DNAAF2: variants seen among roughly 807,000 people sequenced by gnomAD.
DNAAF2 encodes dynein axonemal assembly factor 2.
A neutral mutation model predicts 48.8 loss-of-function variants in DNAAF2; 58 were observed. The observed-to-expected ratio is 1.19, with a 90% CI of 0.96 to 1.48. DNAAF2 has a LOEUF of 1.48. DNAAF2 is among the 40% of genes most tolerant of loss of function. The pLI, the probability that DNAAF2 is intolerant of heterozygous loss-of-function variation, is 0.00. For synonymous variants in DNAAF2, 567 were observed against 481.2 expected, an observed-to-expected ratio of 1.18 and a Z score of -2.33; for missense variants, 1,241 against 1,116.1, an observed-to-expected ratio of 1.11 and a Z score of -1.59.
chr14:49,628,511 G>T (rs55743897), intron 1 of DNAAF2, among the ~76,000 whole-genome samples: 3,288 of 152,240 alleles, frequency 0.022, 48 homozygotes, highest in Non-Finnish European at 0.031. Flanking sequence ...CTGGAGTGCA[G>T]TGGTGCAATC....
Position 49,625,799 on chromosome 14 carries a change from C to T in DNAAF2, c.2257G>A (p.Glu753Lys), listed in dbSNP as rs867540290. 6.2e-7 allele frequency: 1 copy of T among 1,607,768 alleles called. No homozygotes were observed. The highest frequency in any genetic ancestry group is 1.1e-5 in the South Asian group (1 of 89,250). The change falls in exon 3 of 3, where the codon GAA becomes AAA. Residue 753 changes from glutamate (E) to lysine (K), a missense_variant. Transcript: ENST00000298292. ...SQQPESKMQS[E>K]FIKEKSATCS... ...GTAGCACTTTTTTCTTTTATAAATT[C>T]AGATTGCATTTTTGACTCAGGTTGC... is the stretch of plus-strand genomic sequence containing the variant.
rs755398756 is a variant in DNAAF2, at chr14:49,628,058, A to G, written c.1961T>C (p.Ile654Thr). ...ATTATCAGTAACTTGAAGAACTTCA[A>G]TTAATGGTGGGGTCAAGGACATAGA... ...KQSMSLTPPL[I>T]EVLQVTDNKI... The change falls in exon 2 of 3, where the codon ATT becomes ACT. Residue 654 changes from isoleucine to threonine, a missense_variant. By Grantham distance (89) the Ile-to-Thr change is moderately conservative. Transcript: ENST00000298292. The G allele has an allele frequency of 1.8e-5, 29 of 1,576,520 alleles. No homozygotes were observed. In the East Asian group the frequency reaches 6.6e-4, roughly 36 times the overall value.
chr14:49,627,258 A>G (rs910329168), intron 2 of DNAAF2, among the ~76,000 whole-genome samples: 1 of 152,124 alleles, frequency 6.6e-6, no homozygotes, highest in Non-Finnish European at 1.5e-5. Context: ...GAATTCCTCT[A>G]ATTTTTCAGA....
Position 49,633,923 on chromosome 14 carries a change from G to A in DNAAF2, c.1227C>T (p.Gly409=), listed in dbSNP as rs1045466672. The change falls in exon 1 of 3, where the codon GGC becomes GGT. Residue 409 remains glycine, a synonymous_variant. Coordinates refer to ENST00000298292, the MANE Select transcript of DNAAF2 (RefSeq NM_018139.3). ...GGTCGCCCAGGGTGGTGACCCCGGA[G>A]CCCGCAGCCCCAGCCACGCAGGTAT... ...GHDTCVAGAA[G]SGVTTLGDPE... 1.3e-6 allele frequency: 2 copies of A among 1,531,924 alleles called. No homozygotes were observed. The highest frequency in any genetic ancestry group is 1.7e-6 in the Non-Finnish European group (2 of 1,145,200). The allele number at this position is 1,531,924 out of a possible 1,614,324, so 94.9% of individuals were successfully genotyped here. A position where few individuals can be genotyped will look rare whatever the true frequency, so the allele number is the denominator to read the frequency against.
In DNAAF2 at chr14:49,633,268, C is replaced by T. The variant is rs760484010; in HGVS notation, c.1863+19G>A. 19 of 1,608,976 alleles carry T rather than the reference C, an allele frequency of 1.2e-5. No individual in the cohort carries two copies. In the South Asian group the frequency reaches 1.8e-4, roughly 15 times the overall value. On this transcript the variant is annotated intron_variant, in intron 1 of 2. Coordinates refer to ENST00000298292, the MANE Select transcript of DNAAF2 (RefSeq NM_018139.3). ...AGATGGGATATTTCAAATATGAGGA[C>T]TCTGGAAAGAACTGTTACCTCCAAA...
At chr14:49,630,182 G>A (rs2209416) in intron 1 of DNAAF2, among the ~76,000 whole-genome samples, 62,076 of 151,494 alleles carry the variant, frequency 0.41, 14,887 homozygotes, top group Non-Finnish European at 0.54. Context: ...AGTGAGCCAT[G>A]ATCGCACCAC....
chr14:49,627,662 TG>T (rs1474071695), intron 2 of DNAAF2, among the ~76,000 whole-genome samples: 3 of 152,060 alleles, frequency 2.0e-5, no homozygotes, highest in Non-Finnish European at 4.4e-5. Context: ...GAGACCATCC[TG>T]GCTAACACGG....
rs1321309211 is a variant in DNAAF2 at position 49,635,071 on chromosome 14, A to G, written c.79T>C (p.Phe27Leu). 1.9e-6 allele frequency: 3 copies of G among 1,586,024 alleles called. No homozygotes were observed. The South Asian group carries it at 3.4e-5, about 18-fold the overall frequency. The change falls in exon 1 of 3, where the codon TTC becomes CTC. Residue 27 changes from phenylalanine (F) to leucine (L), a missense_variant. By Grantham distance (22) the Phe-to-Leu change is conservative. Transcript: ENST00000298292. ...ATTCGCCGGAACTCCGGGTCCTGGA[A>G]GGCGGAGGTGAGCCGCTGGACCTCC... is the stretch of plus-strand genomic sequence containing the variant. The part of the protein sequence containing the change: ...GEEVQRLTSA[F>L]QDPEFRRMFS...
Position 49,627,939 on chromosome 14 carries a change from A to T in DNAAF2, c.2007+73T>A, listed in dbSNP as rs572554372. 15 of 1,387,094 alleles carry T rather than the reference A, an allele frequency of 1.1e-5. No individual in the cohort carries two copies. In the Admixed American group the frequency reaches 1.5e-4, roughly 14 times the overall value. 85.9% of individuals were successfully genotyped at this position (1,387,094 alleles called of 1,614,324 possible). A position where few individuals can be genotyped will look rare whatever the true frequency, so the allele number is the denominator to read the frequency against. ...AAATTTTGTTTAAAGTTATGATATT[A>T]AGAAATCAATAATTTGTTAGGTTTT... On this transcript the variant is annotated intron_variant, in intron 2 of 2. Coordinates refer to ENST00000298292, the MANE Select transcript of DNAAF2 (RefSeq NM_018139.3).
Position 49,625,936 on chromosome 14 carries a change from T to A in DNAAF2, c.2120A>T (p.Asp707Val). 6.2e-7 allele frequency: 1 copy of A among 1,613,498 alleles called. No homozygotes were observed. Among genetic ancestry groups the A allele is most frequent in the South Asian group, 1.1e-5 (1 of 91,000 alleles). ...YIEHCNTPTT[D>V]SDSSIAVKAL... ...TTTAACTGCTATAGATGAATCAGAATCAGTTGTAGGGGTGTTACAATGTTC... is the reference window on the plus strand; with the variant it reads ...TTTAACTGCTATAGATGAATCAGAAACAGTTGTAGGGGTGTTACAATGTTC... The change falls in exon 3 of 3, where the codon GAT (aspartate) becomes GTT (valine). Residue 707 changes from aspartate (D) to valine (V), a missense_variant. Asp to Val is a radical substitution (Grantham distance 152). Coordinates refer to ENST00000298292, the MANE Select transcript of DNAAF2 (RefSeq NM_018139.3).
In DNAAF2 at chr14:49,635,023, GCTC is replaced by G; in HGVS notation, c.124_126del (p.Glu42del). 3 of 1,573,392 alleles carry G rather than the reference GCTC, an allele frequency of 1.9e-6. No homozygotes were observed. The highest frequency in any genetic ancestry group is 2.6e-6 in the Non-Finnish European group (3 of 1,160,018). ...CGCCGCCGGTTCTCCGGGTCGGTGA[GCTC>G]CTCGGCGTACTGGGAGAACATTCGC... On this transcript the variant is annotated inframe_deletion, in exon 1 of 3. Coordinates refer to ENST00000298292, the MANE Select transcript of DNAAF2 (RefSeq NM_018139.3).
chr14:49,630,669 CCACACACACACACACA>C (rs71441237), intron 1 of DNAAF2, among the ~76,000 whole-genome samples: 2 of 132,486 alleles, frequency 1.5e-5, no homozygotes, highest in Non-Finnish European at 3.2e-5. Flanking sequence ...AACTCTCTCT[CCACACACACACACACA>C]CACACACACA....
chr14:49,634,555 C>T lies in DNAAF2; in HGVS notation c.595G>A (p.Ala199Thr), dbSNP rs1473283387. 1.2e-6 allele frequency: 2 copies of T among 1,603,732 alleles called. No individual in the cohort carries two copies. Among genetic ancestry groups the T allele is most frequent in the Admixed American group, 1.7e-5 (1 of 59,998 alleles). Residue 199 changes from alanine (A) to threonine (T), a missense_variant, in exon 1 of 3, where the codon GCG becomes ACG. Transcript: ENST00000298292. ...CCGGGCAGGGGCGTGCGCAGCACCG[C>T]AGCCTCTGGGGTCCCCTTATACTTG... ...KAKYKGTPEA[A>T]VLRTPLPGVI...
chr14:49,625,636 G>T lies in DNAAF2; in HGVS notation c.2420C>A (p.Thr807Asn). The T allele has an allele frequency of 1.2e-6, 2 of 1,613,620 alleles. No individual in the cohort carries two copies. Among genetic ancestry groups the T allele is most frequent in the Non-Finnish European group, 1.7e-6 (2 of 1,179,742 alleles). Residue 807 changes from threonine to asparagine, a missense_variant, in exon 3 of 3, where the codon ACC becomes AAC. Thr to Asn is a moderately conservative substitution (Grantham distance 65). Transcript: ENST00000298292. ...NIPGFDSIKETNMQDGSVQVI... is the reference protein window; with the variant it reads ...NIPGFDSIKENNMQDGSVQVI... Reference sequence around the variant, plus strand: ...CTGCACACTACCATCCTGCATATTGGTTTCTTTTATGCTGTCGAATCCAGG... The same window carrying T: ...CTGCACACTACCATCCTGCATATTGTTTTCTTTTATGCTGTCGAATCCAGG...
Position 49,631,280 on chromosome 14 carries a change from A to C in DNAAF2, c.1863+2007T>G, listed in dbSNP as rs144109331. 7.8e-3 allele frequency among the ~76,000 whole-genome samples: 1,195 copies of C among 152,298 alleles called. 17 individuals carry two copies. Among genetic ancestry groups the C allele is most frequent in the African/African-American group, 0.027 (1,135 of 41,556 alleles). On this transcript the variant is annotated intron_variant, in intron 1 of 2. Coordinates refer to ENST00000298292, the MANE Select transcript of DNAAF2 (RefSeq NM_018139.3). ...TTGCAAATAATACACCAAATATTTT[A>C]ATTTTTAGTTATCCGAAGGAATATA... is the stretch of plus-strand genomic sequence containing the variant.
Position 49,634,043 on chromosome 14 carries a change from G to C in DNAAF2, c.1107C>G (p.Ser369=). 6.6e-7 allele frequency: 1 copy of C among 1,519,154 alleles called. No homozygotes were observed. The highest frequency in any genetic ancestry group is 8.8e-7 in the Non-Finnish European group (1 of 1,138,166). 94.1% of individuals were successfully genotyped at this position (1,519,154 alleles called of 1,614,324 possible). A position where few individuals can be genotyped will look rare whatever the true frequency, so the allele number is the denominator to read the frequency against. The change falls in exon 1 of 3, where the codon TCC becomes TCG. Residue 369 remains serine, a synonymous_variant. Coordinates refer to ENST00000298292, the MANE Select transcript of DNAAF2 (RefSeq NM_018139.3). ...VAVAAAAPEE[S]ADRSGTDGQA... ...GGCCGTCAGTTCCGGACCGGTCCGC[G>C]GACTCTTCCGGCGCGGCGGCGGCGA...
intron 1 of DNAAF2, among the ~76,000 whole-genome samples, 183 bp from the exon 2 acceptor site, chr14:49,628,338 G>C (rs1347042221): frequency 6.6e-6 from 1 of 152,184 alleles, no homozygotes; most frequent in African/African-American, 2.4e-5. Context: ...AGAGCAATAA[G>C]AGTTGTACTG....
chr14:49,633,997 C>G lies in DNAAF2; in HGVS notation c.1153G>C (p.Glu385Gln). 6.6e-7 allele frequency: 1 copy of G among 1,523,674 alleles called. No individual in the cohort carries two copies. The highest frequency in any genetic ancestry group is 8.8e-7 in the Non-Finnish European group (1 of 1,142,010). The allele number at this position is 1,523,674 out of a possible 1,614,324, so 94.4% of individuals were successfully genotyped here. ...TDGQACASAR[E>Q]GEAGPARSRA... ...CTCCTCGCGGGTCCCGCCTCCCCCTCGCGAGCGGAAGCGCAGGCCTGGCCG... is the reference window on the plus strand; with the variant it reads ...CTCCTCGCGGGTCCCGCCTCCCCCTGGCGAGCGGAAGCGCAGGCCTGGCCG... The change falls in exon 1 of 3, where the codon GAG becomes CAG. Residue 385 changes from glutamate to glutamine, a missense_variant. Physicochemically the swap from Glu to Gln is conservative, Grantham distance 29. Transcript: ENST00000298292.
rs946457685 is a variant in DNAAF2 at position 49,626,060 on chromosome 14, G to A, written c.2008-12C>T. 7.1e-7 allele frequency: 1 copy of A among 1,409,126 alleles called. No homozygotes were observed. Among genetic ancestry groups the A allele is most frequent in the Non-Finnish European group, 9.2e-7 (1 of 1,084,012 alleles). The allele number at this position is 1,409,126 out of a possible 1,614,324, so 87.3% of individuals were successfully genotyped here. The stretch of plus-strand genomic sequence containing the variant: ...CTACATTCTTGCAACTGTGTCAAGA[G>A]AAACAACAAATTAATAATTATTTTA... On this transcript the variant is annotated splice_polypyrimidine_tract_variant and intron_variant, in intron 2 of 2. Transcript: ENST00000298292.
Sources: gnomAD v4.1 joint callset for allele counts (sites outside exome capture counted in the v4.1 genomes callset) on GRCh38, gnomAD v4.1.1 for gene constraint, MANE v1.5 for transcripts, NCBI Gene and HGNC (gene_info 2026-07-23, HGNC 2026-07-21) for gene names.